The following SPIDR variants were observed in gnomAD, a reference collection of about 807,000 sequenced individuals.
SPIDR encodes DNA repair-scaffolding protein.
In SPIDR, 93 loss-of-function variants were observed where a neutral mutation model predicts 104.6. The ratio of observed to expected loss-of-function variants is 0.89; its 90% CI spans 0.75 to 1.06. The LOEUF is 1.06. Ranked by LOEUF, SPIDR falls within the 50% of genes least tolerant of loss-of-function variation. SPIDR has a pLI of 0.00. For missense variants in SPIDR, 1,154 were observed against 1,111.2 expected (o/e 1.04, Z -0.55); for synonymous variants, 431 against 416.9 (o/e 1.03, Z -0.41).
chr8:47,699,426 C>T (rs1273077481), intron 11 of SPIDR, among the ~76,000 whole-genome samples: 2 of 152,208 alleles, frequency 1.3e-5, no homozygotes, highest in African/African-American at 2.4e-5. Flanking sequence ...TGTTCCCCAT[C>T]TCTGTTAACA....
At chr8:47,645,271 C>T (rs1229911446) in intron 10 of SPIDR, among the ~76,000 whole-genome samples, 1 of 152,106 alleles carries the variant, frequency 6.6e-6, no homozygotes, top group Non-Finnish European at 1.5e-5. Context: ...AGCAGAAAGG[C>T]TCAGGGTCTG....
chr8:47,266,758 T>C (rs2034146639), intron 1 of SPIDR, among the ~76,000 whole-genome samples: 1 of 152,224 alleles, frequency 6.6e-6, no homozygotes, highest in Admixed American at 6.5e-5. Context: ...GTTTTATAGA[T>C]AATAAAATCT....
chr8:47,427,073 A>G (rs1398718518), intron 7 of SPIDR, among the ~76,000 whole-genome samples: 1 of 152,154 alleles, frequency 6.6e-6, no homozygotes, highest in Admixed American at 6.5e-5. Flanking sequence ...TATTGTATTT[A>G]TACAATTTCA....
At chr8:47,266,344 T>C (rs1043101553) in intron 1 of SPIDR, among the ~76,000 whole-genome samples, 4 of 152,122 alleles carry the variant, frequency 2.6e-5, no homozygotes, top group African/African-American at 7.2e-5. Flanking sequence ...TTGCCCAGGC[T>C]GGTCTTGAAC....
At chr8:47,340,221 G>T (rs2050484195) in intron 5 of SPIDR, among the ~76,000 whole-genome samples, 1 of 152,126 alleles carries the variant, frequency 6.6e-6, no homozygotes. Context: ...GGGGCATTTT[G>T]TCCTTTATGG....
At chr8:47,563,882 C>T (rs1262095988) in intron 8 of SPIDR, among the ~76,000 whole-genome samples, 1 of 152,034 alleles carries the variant, frequency 6.6e-6, no homozygotes, top group African/African-American at 2.4e-5. Flanking sequence ...GAGGAAATGT[C>T]TATTTAACAC....
At chr8:47,546,029 G>T (rs2089300929) in intron 8 of SPIDR, among the ~76,000 whole-genome samples, 2 of 152,028 alleles carry the variant, frequency 1.3e-5, no homozygotes, top group African/African-American at 4.8e-5. Flanking sequence ...AATTTTATTT[G>T]CTAAGGATTT....
intron 10 of SPIDR, among the ~76,000 whole-genome samples, chr8:47,658,058 A>G (rs1046162674): frequency 1.3e-5 from 2 of 150,992 alleles, no homozygotes; most frequent in Non-Finnish European, 2.9e-5. Context: ...AAGAAAAAGA[A>G]AAAGAAAAAA....
intron 11 of SPIDR, among the ~76,000 whole-genome samples, chr8:47,681,321 A>G (rs2077072030): frequency 6.6e-6 from 1 of 152,108 alleles, no homozygotes; most frequent in Admixed American, 6.6e-5. Context: ...ATTGTAAAGT[A>G]TCTCTTTGTA....
At chr8:47,536,453 T>C (rs1160920625) in intron 8 of SPIDR, among the ~76,000 whole-genome samples, 2 of 152,146 alleles carry the variant, frequency 1.3e-5, no homozygotes, top group East Asian at 1.9e-4. Flanking sequence ...GAACAAAATA[T>C]AGAACAAGAA....
chr8:47,283,389 A>G (rs919739504), intron 2 of SPIDR, among the ~76,000 whole-genome samples: 1 of 152,202 alleles, frequency 6.6e-6, no homozygotes, highest in Non-Finnish European at 1.5e-5. Context: ...GTGGCACCCC[A>G]AATCAGTTAC....
At chr8:47,620,700 C>G (rs906381113) in intron 10 of SPIDR, among the ~76,000 whole-genome samples, 20 of 151,952 alleles carry the variant, frequency 1.3e-4, no homozygotes, top group Non-Finnish European at 2.1e-4. Flanking sequence ...TAACTGCAAT[C>G]TCCACCTCCC....
intron 8 of SPIDR, among the ~76,000 whole-genome samples, chr8:47,570,296 C>T (rs1272885063): frequency 6.6e-6 from 1 of 152,110 alleles, no homozygotes; most frequent in African/African-American, 2.4e-5. Context: ...ACAAAGGTAC[C>T]AAGATCATTC....
chr8:47,453,867 C>G (rs1554707974), intron 8 of SPIDR, among the ~76,000 whole-genome samples: 1 of 152,186 alleles, frequency 6.6e-6, no homozygotes, highest in East Asian at 1.9e-4. Context: ...AGCCAACAGA[C>G]ACATGAAAAA....
intron 5 of SPIDR, among the ~76,000 whole-genome samples, chr8:47,386,312 T>A (rs1554648153): frequency 6.6e-6 from 1 of 152,220 alleles, no homozygotes; most frequent in Non-Finnish European, 1.5e-5. Context: ...TTTTTTAGAA[T>A]TTTCCTTGCT....
At chr8:47,568,253 C>T (rs1337466197) in intron 8 of SPIDR, among the ~76,000 whole-genome samples, 4 of 152,094 alleles carry the variant, frequency 2.6e-5, no homozygotes, top group African/African-American at 9.7e-5. Context: ...TAATCTACCT[C>T]GGTTTATCTG....
At chr8:47,269,409 C>T (rs2154213146) in intron 1 of SPIDR, among the ~76,000 whole-genome samples, 1 of 151,690 alleles carries the variant, frequency 6.6e-6, no homozygotes, top group South Asian at 2.1e-4. Context: ...AGGCGTGTGC[C>T]ACCATGCCTG....
chr8:47,370,502 A>C (rs1375790161), intron 5 of SPIDR, among the ~76,000 whole-genome samples: 1 of 138,840 alleles, frequency 7.2e-6, no homozygotes, highest in Non-Finnish European at 1.5e-5. Context: ...GCTGGAATGC[A>C]ATGGTGCGAT....
chr8:47,475,151 G>C (rs2076138839), intron 8 of SPIDR, among the ~76,000 whole-genome samples: 1 of 152,210 alleles, frequency 6.6e-6, no homozygotes, highest in African/African-American at 2.4e-5. Flanking sequence ...ACTTGAAACA[G>C]CAATATTGTC....
Sources: allele counts gnomAD v4.1 joint callset (sites outside exome capture counted in the v4.1 genomes callset), GRCh38; gene constraint gnomAD v4.1.1; transcripts MANE v1.5; gene names NCBI Gene and HGNC (gene_info 2026-07-23, HGNC 2026-07-21).